DPP6: variants seen among roughly 807,000 people sequenced by gnomAD.
The protein encoded by DPP6 is A-type potassium channel modulatory protein DPP6.
In DPP6, 69 loss-of-function variants were observed where a neutral mutation model predicts 122.6. That is an observed-to-expected ratio of 0.56 (90% CI 0.46 to 0.69). DPP6 has a LOEUF of 0.69. DPP6 is among the 30% of genes least tolerant of loss of function. DPP6 has a pLI of 0.00. For missense variants in DPP6, 928 were observed against 1,116.9 expected (o/e 0.83, Z 2.41); for synonymous variants, 418 against 433.1 (o/e 0.97, Z 0.43).
At chr7:154,318,023 C>T (rs1299113602) in intron 1 of DPP6, among the ~76,000 whole-genome samples, 1 of 152,140 alleles carries the variant, frequency 6.6e-6, no homozygotes, top group Non-Finnish European at 1.5e-5. Context: ...TCATGAAACT[C>T]CAAATAACTT....
At chr7:154,427,769 T>C (rs928998792) in intron 1 of DPP6, among the ~76,000 whole-genome samples, 34 of 152,214 alleles carry the variant, frequency 2.2e-4, no homozygotes, top group African/African-American at 8.2e-4. Flanking sequence ...TCTGTAACCA[T>C]TGCAGGGCCT....
chr7:154,062,532 C>T (rs1585284681), intron 1 of DPP6, among the ~76,000 whole-genome samples: 1 of 19,394 alleles, frequency 5.2e-5, no homozygotes, highest in South Asian at 4.4e-3. Context: ...GCTATCCCCT[C>T]TTCCGCCCCT....
At chr7:154,480,245 C>T (rs760659712) in intron 3 of DPP6, among the ~76,000 whole-genome samples, 19 of 152,180 alleles carry the variant, frequency 1.2e-4, no homozygotes, top group South Asian at 6.2e-4. Flanking sequence ...CTGCCTGGCT[C>T]GGCCTGGCTT....
chr7:154,212,465 A>G (rs1799791392), intron 1 of DPP6, among the ~76,000 whole-genome samples: 1 of 152,184 alleles, frequency 6.6e-6, no homozygotes, highest in Non-Finnish European at 1.5e-5. Context: ...AACCTGACCA[A>G]CTTTTCCTCC....
intron 1 of DPP6, among the ~76,000 whole-genome samples, chr7:154,375,394 G>C (rs1381744275): frequency 6.6e-6 from 1 of 152,126 alleles, no homozygotes; most frequent in East Asian, 1.9e-4. Context: ...CATGGCTGCA[G>C]ATTTCTATCA....
intron 7 of DPP6, among the ~76,000 whole-genome samples, chr7:154,675,222 G>A (rs1390429893): frequency 1.3e-5 from 2 of 152,180 alleles, no homozygotes; most frequent in Non-Finnish European, 2.9e-5. Flanking sequence ...CGGGGGGCTA[G>A]GGGAGGGATA....
At chr7:153,765,147 G>A in the DPP6 span, among the ~76,000 whole-genome samples, 27 of 151,786 alleles carry the variant, frequency 1.8e-4, no homozygotes, top group Admixed American at 2.0e-4. Flanking sequence ...GTAAATGTGC[G>A]CTAACCAATT....
At chr7:154,232,992 C>T (rs556851645) in intron 1 of DPP6, among the ~76,000 whole-genome samples, 23 of 152,162 alleles carry the variant, frequency 1.5e-4, no homozygotes, top group Non-Finnish European at 2.6e-4. Context: ...ATTTCCTGCT[C>T]GTGTCAAAAA....
chr7:154,873,876 A>G (rs1156355374), intron 19 of DPP6, among the ~76,000 whole-genome samples: 2 of 85,988 alleles, frequency 2.3e-5, no homozygotes, highest in Non-Finnish European at 3.5e-5. Flanking sequence ...ACCCACAGGC[A>G]CACACATGCA....
At chr7:154,060,715 A>T (rs1208883597) in intron 1 of DPP6, among the ~76,000 whole-genome samples, 2 of 35,000 alleles carry the variant, frequency 5.7e-5, no homozygotes, top group African/African-American at 5.3e-4. Context: ...CCCCCATCGC[A>T]GGGGGGGAGG....
intron 6 of DPP6, among the ~76,000 whole-genome samples, chr7:154,668,201 A>ATT (rs1838298931): frequency 1.1e-5 from 1 of 91,822 alleles, no homozygotes; most frequent in Non-Finnish European, 2.4e-5. Flanking sequence ...TATATTTTAT[A>ATT]TATATATATA....
At chr7:153,888,306 C>T (rs1799030975) in intron 1 of DPP6, among the ~76,000 whole-genome samples, 1 of 152,240 alleles carries the variant, frequency 6.6e-6, no homozygotes, top group African/African-American at 2.4e-5. Flanking sequence ...AAAAGCTTGA[C>T]TGTGCCGGAG....
chr7:153,757,231 C>T, the DPP6 span, among the ~76,000 whole-genome samples: 1 of 152,150 alleles, frequency 6.6e-6, no homozygotes, highest in Non-Finnish European at 1.5e-5. Flanking sequence ...TCTGTTCTTT[C>T]AGTGTCTGTA....
chr7:154,874,706 T>C (rs1584952776), intron 19 of DPP6, among the ~76,000 whole-genome samples: 1 of 152,278 alleles, frequency 6.6e-6, no homozygotes, highest in African/African-American at 2.4e-5. Context: ...GTCACCTGGC[T>C]GGAGCCACTC....
chr7:154,397,213 A>C (rs1317826321), intron 1 of DPP6, among the ~76,000 whole-genome samples: 1 of 151,300 alleles, frequency 6.6e-6, no homozygotes, highest in Admixed American at 6.6e-5. Flanking sequence ...AAATGAAGGC[A>C]CTTCTGATGT....
chr7:154,628,269 T>C (rs1835206123), intron 5 of DPP6, among the ~76,000 whole-genome samples: 1 of 152,214 alleles, frequency 6.6e-6, no homozygotes, highest in African/African-American at 2.4e-5. Flanking sequence ...TTCTAATGTG[T>C]ACTTGTCAGC....
intron 1 of DPP6, among the ~76,000 whole-genome samples, chr7:154,357,949 A>G (rs1811411673): frequency 6.6e-6 from 1 of 150,828 alleles, no homozygotes; most frequent in South Asian, 2.1e-4. Context: ...TTCGTCTCAA[A>G]AAAAAAAAAA....
intron 1 of DPP6, among the ~76,000 whole-genome samples, chr7:153,964,812 CTTTCCTTTCCTTTCCTTTTCCT>C (rs1162592769): frequency 1.3e-4 from 6 of 47,770 alleles, no homozygotes; most frequent in South Asian, 1.7e-3. Flanking sequence ...CTTTCCTTTC[CTTTCCTTTCCTTTCCTTTTCCT>C]TTTCCTTTTC....
intron 2 of DPP6, among the ~76,000 whole-genome samples, chr7:154,472,001 C>T (rs1055984564): frequency 6.6e-6 from 1 of 152,010 alleles, no homozygotes; most frequent in African/African-American, 2.4e-5. Flanking sequence ...TCCAAATACT[C>T]CCAAAGTCAA....
Sources: gnomAD v4.1 joint callset for allele counts (sites outside exome capture counted in the v4.1 genomes callset) on GRCh38, gnomAD v4.1.1 for gene constraint, MANE v1.5 for transcripts, NCBI Gene and HGNC (gene_info 2026-07-23, HGNC 2026-07-21) for gene names.